IL26: variants seen among roughly 807,000 people sequenced by gnomAD.
The protein encoded by IL26 is interleukin 26, also known as interleukin-26.
Under a neutral mutation model 21.7 loss-of-function variants are expected in IL26, and 23 were observed. That is an observed-to-expected ratio of 1.06 (90% CI 0.76 to 1.50). The LOEUF is 1.50. IL26 is among the 40% of genes most tolerant of loss of function. The pLI, the probability that IL26 is intolerant of heterozygous loss-of-function variation, is 0.00. For missense variants in IL26, 204 were observed against 196.0 expected (o/e 1.04, Z -0.24); for synonymous variants, 63 against 67.8 (o/e 0.93, Z 0.34).
At chr12:68,210,492 A>G (rs1176740141) in intron 3 of IL26, among the ~76,000 whole-genome samples, 1 of 152,064 alleles carries the variant, frequency 6.6e-6, no homozygotes, top group Non-Finnish European at 1.5e-5. Context: ...AAGCATGATT[A>G]GATTTACAAG....
intron 3 of IL26, among the ~76,000 whole-genome samples, chr12:68,214,536 T>G (rs2160437): frequency 0.18 from 27,805 of 152,146 alleles, 3,357 homozygotes; most frequent in East Asian, 0.56. Context: ...GCATAGATAT[T>G]TATAATTGTT....
chr12:68,223,063 G>A (rs1869103927), intron 3 of IL26, among the ~76,000 whole-genome samples: 1 of 152,076 alleles, frequency 6.6e-6, no homozygotes, highest in African/African-American at 2.4e-5. Context: ...ATGTTTGGCT[G>A]AAACATTATA....
At chr12:68,223,902 T>G (rs1869140189) in intron 3 of IL26, among the ~76,000 whole-genome samples, 1 of 143,294 alleles carries the variant, frequency 7.0e-6, no homozygotes, top group South Asian at 2.2e-4. Context: ...TTTTTTTTTT[T>G]GCTTGTTTTT....
chr12:68,209,415 T>C (rs1415550749), intron 3 of IL26, among the ~76,000 whole-genome samples: 3 of 152,206 alleles, frequency 2.0e-5, no homozygotes, highest in African/African-American at 7.2e-5. Flanking sequence ...GCATATGCTC[T>C]GCTACTTGAG....
intron 3 of IL26, among the ~76,000 whole-genome samples, chr12:68,212,115 C>T (rs745965173): frequency 6.6e-6 from 1 of 152,162 alleles, no homozygotes; most frequent in Non-Finnish European, 1.5e-5. Context: ...GTTTTCCCAG[C>T]ATCATTTATT....
At chr12:68,206,384 T>C (rs780457804) in intron 3 of IL26, among the ~76,000 whole-genome samples, 1 of 152,194 alleles carries the variant, frequency 6.6e-6, no homozygotes, top group Non-Finnish European at 1.5e-5. Flanking sequence ...GTAGATTACT[T>C]CAGTGCCTTC....
intron 3 of IL26, among the ~76,000 whole-genome samples, chr12:68,208,357 T>C (rs1868602073): frequency 6.6e-6 from 1 of 152,190 alleles, no homozygotes; most frequent in South Asian, 2.1e-4. Context: ...CTCAGCTGAA[T>C]ACCTCGGACT....
At chr12:68,223,947 A>G (rs1381319259) in intron 3 of IL26, among the ~76,000 whole-genome samples, 1 of 143,758 alleles carries the variant, frequency 7.0e-6, no homozygotes, top group African/African-American at 2.6e-5. Flanking sequence ...TCACACTCAT[A>G]AAATGCCTCA....
intron 3 of IL26, among the ~76,000 whole-genome samples, chr12:68,207,008 CT>C (rs1353244967): frequency 1.3e-5 from 2 of 152,166 alleles, no homozygotes; most frequent in African/African-American, 4.8e-5. Context: ...AATGACTTCA[CT>C]TTTTCTTGAA....
At chr12:68,224,007 G>GA (rs1213711871) in intron 3 of IL26, among the ~76,000 whole-genome samples, 2 of 142,578 alleles carry the variant, frequency 1.4e-5, no homozygotes, top group African/African-American at 2.7e-5. Flanking sequence ...TTGACCACAA[G>GA]AAAAAAACAT....
chr12:68,220,927 G>A (rs1340813199), intron 3 of IL26, among the ~76,000 whole-genome samples: 6 of 152,204 alleles, frequency 3.9e-5, no homozygotes, highest in Admixed American at 2.0e-4. Context: ...GTAAGCTACC[G>A]TACCTGGCCA....
intron 3 of IL26, among the ~76,000 whole-genome samples, chr12:68,224,403 C>T (rs1325027846): frequency 6.6e-6 from 1 of 151,816 alleles, no homozygotes; most frequent in Non-Finnish European, 1.5e-5. Context: ...TTAATTAATT[C>T]TCCACTGCTT....
At chr12:68,215,950 C>A (rs1868865161) in intron 3 of IL26, among the ~76,000 whole-genome samples, 1 of 150,732 alleles carries the variant, frequency 6.6e-6, no homozygotes, top group Non-Finnish European at 1.5e-5. Context: ...TCCCAAAGTG[C>A]TGGGATTACA....
At chr12:68,209,350 T>G (rs1868637176) in intron 3 of IL26, among the ~76,000 whole-genome samples, 1 of 152,128 alleles carries the variant, frequency 6.6e-6, no homozygotes, top group Admixed American at 6.6e-5. Context: ...GGTGAGAATG[T>G]GGGGTTGAAA....
chr12:68,214,156 G>A (rs549116603), intron 3 of IL26, among the ~76,000 whole-genome samples: 2 of 151,978 alleles, frequency 1.3e-5, no homozygotes, highest in South Asian at 2.1e-4. Context: ...ATGAGTTTTC[G>A]TAGTTTCCAA....
At chr12:68,208,521 G>A (rs925291987) in intron 3 of IL26, among the ~76,000 whole-genome samples, 3 of 151,814 alleles carry the variant, frequency 2.0e-5, no homozygotes, top group African/African-American at 4.8e-5. Flanking sequence ...TTCTTGAGAC[G>A]GAGTTTCACT....
At chr12:68,214,457 T>C (rs565029810) in intron 3 of IL26, among the ~76,000 whole-genome samples, 14 of 152,332 alleles carry the variant, frequency 9.2e-5, no homozygotes, top group Admixed American at 5.9e-4. Flanking sequence ...TATTATTGTA[T>C]TGCAGTCTAG....
At chr12:68,224,172 C>G (rs1291556368) in intron 3 of IL26, among the ~76,000 whole-genome samples, 1 of 152,038 alleles carries the variant, frequency 6.6e-6, no homozygotes, top group East Asian at 1.9e-4. Flanking sequence ...CTGCAAGCTA[C>G]AACTGCAGGA....
chr12:68,225,482 T>C lies in IL26; in HGVS notation c.190A>G (p.Ile64Val). Residue 64 changes from isoleucine to valine, a missense_variant, in exon 2 of 5, where the codon ATA becomes GTA. By Grantham distance (29) the Ile-to-Val change is conservative. Coordinates refer to ENST00000229134, the MANE Select transcript of IL26 (RefSeq NM_018402.2). ...TTTGTTTTCTTTTTTAATAATCGTATATTTTTTATGCGGTCTTCCTACAAT... is the reference window on the plus strand; with the variant it reads ...TTTGTTTTCTTTTTTAATAATCGTACATTTTTTATGCGGTCTTCCTACAAT... Reference protein sequence around the residue: ...ATIPEDRIKNIRLLKKKTKKQ... With the variant: ...ATIPEDRIKNVRLLKKKTKKQ... 6.3e-7 allele frequency: 1 copy of C among 1,592,936 alleles called. No individual in the cohort carries two copies. The highest frequency in any genetic ancestry group is 8.6e-7 in the Non-Finnish European group (1 of 1,161,498).
Sources: gnomAD v4.1 joint callset for allele counts (sites outside exome capture counted in the v4.1 genomes callset) on GRCh38, gnomAD v4.1.1 for gene constraint, MANE v1.5 for transcripts, NCBI Gene and HGNC (gene_info 2026-07-23, HGNC 2026-07-21) for gene names.